Variants in GTF3C1 observed in about 807,000 individuals in gnomAD.
The protein encoded by GTF3C1 is general transcription factor IIIC subunit 1.
In GTF3C1, 57 loss-of-function variants were observed where a neutral mutation model predicts 226.7. The observed-to-expected ratio is 0.25, with a 90% confidence interval of 0.20 to 0.31. The LOEUF is 0.31. GTF3C1 is among the 10% of genes least tolerant of loss of function. The pLI is 1.00. For synonymous variants in GTF3C1, 1,090 were observed against 1,084.8 expected, an observed-to-expected ratio of 1.00 and a Z score of -0.09; for missense variants, 2,217 against 2,776.1, an observed-to-expected ratio of 0.80 and a Z score of 4.53.
chr16:27,478,106 G>T (rs148258616), intron 28 of GTF3C1, among the ~76,000 whole-genome samples: 7 of 152,146 alleles, frequency 4.6e-5, no homozygotes, highest in African/African-American at 1.4e-4. Flanking sequence ...AGGAGGCAGA[G>T]GCTGCAGTGA....
intron 2 of GTF3C1, among the ~76,000 whole-genome samples, chr16:27,542,617 G>C (rs1596665044): frequency 6.6e-6 from 1 of 152,122 alleles, no homozygotes; most frequent in East Asian, 1.9e-4. Context: ...GGGAGGTGAG[G>C]ACTAGTAGAA....
chr16:27,539,478 C>A (rs966547383), intron 2 of GTF3C1, among the ~76,000 whole-genome samples: 1 of 152,194 alleles, frequency 6.6e-6, no homozygotes, highest in Non-Finnish European at 1.5e-5. Context: ...CTGCTCAATC[C>A]AACTGACATC....
chr16:27,535,795 C>G (rs546378535), intron 4 of GTF3C1, among the ~76,000 whole-genome samples: 1 of 151,796 alleles, frequency 6.6e-6, no homozygotes, highest in Non-Finnish European at 1.5e-5. Flanking sequence ...TTGTGGTGAG[C>G]GGAGATCGCG....
At chr16:27,481,707 C>T (rs1411583409) in intron 26 of GTF3C1, among the ~76,000 whole-genome samples, 4 of 152,170 alleles carry the variant, frequency 2.6e-5, no homozygotes, top group Non-Finnish European at 5.9e-5. Context: ...GTGTGCAATG[C>T]GACATGGTAT....
At position 27,489,701 on chromosome 16, in the gene GTF3C1, T is replaced by G; in HGVS notation, c.3194A>C (p.Asp1065Ala). The G allele has an allele frequency of 1.2e-6, 2 of 1,612,270 alleles. No individual in the cohort carries two copies. The highest frequency in any genetic ancestry group is 1.7e-6 in the Non-Finnish European group (2 of 1,179,788). Residue 1065 changes from aspartate (D) to alanine (A), a missense_variant, in exon 20 of 37, where the codon GAC (aspartate) becomes GCC (alanine). Asp to Ala is a moderately radical substitution (Grantham distance 126, BLOSUM62 -2). This residue lies in a region of GTF3C1 where 353 missense variants were observed against 411.7 expected (regional missense o/e 0.86). Transcript: ENST00000356183. ...CPRVRKNSSTDQGSDEEGSLQ... is the reference protein window; with the variant it reads ...CPRVRKNSSTAQGSDEEGSLQ... ...GCTGCCCTCCTCGTCGCTGCCCTGG[T>G]CTGTGCTGCTGTTCTTCCTGACGCG...
chr16:27,523,616 T>G (rs1031849443), intron 6 of GTF3C1, among the ~76,000 whole-genome samples: 3 of 152,012 alleles, frequency 2.0e-5, no homozygotes, highest in African/African-American at 7.3e-5. Context: ...TAAATTAAAT[T>G]TGCTCAGCAT....
chr16:27,475,619 C>T (rs2087939955), intron 29 of GTF3C1, among the ~76,000 whole-genome samples: 1 of 152,118 alleles, frequency 6.6e-6, no homozygotes, highest in African/African-American at 2.4e-5. Flanking sequence ...CAAGTGCCCA[C>T]ATTTGTATAA....
At chr16:27,536,987 A>T (rs1395326754) in intron 4 of GTF3C1, among the ~76,000 whole-genome samples, 3 of 152,226 alleles carry the variant, frequency 2.0e-5, no homozygotes, top group African/African-American at 7.2e-5. Context: ...TCACTCCCCC[A>T]GTCTCCCTGG....
intron 26 of GTF3C1, chr16:27,482,654 G>A (rs1226462102): frequency 2.2e-6 from 1 of 458,524 alleles, no homozygotes; most frequent in East Asian, 6.9e-5. Flanking sequence ...AGGAGTCTGG[G>A]TCAGCAGACA....
At chr16:27,472,930 T>C (rs2087897213) in intron 29 of GTF3C1, among the ~76,000 whole-genome samples, 1 of 152,246 alleles carries the variant, frequency 6.6e-6, no homozygotes, top group Non-Finnish European at 1.5e-5. Flanking sequence ...AACTCCTTTT[T>C]TTTTGAGCCA....
chr16:27,490,938 G>A (rs536560891), intron 19 of GTF3C1, among the ~76,000 whole-genome samples: 1 of 152,264 alleles, frequency 6.6e-6, no homozygotes, highest in Admixed American at 6.5e-5. Flanking sequence ...CTAAAGGGAT[G>A]GAAATTCACC....
chr16:27,539,458 A>G (rs1333545322), intron 2 of GTF3C1, among the ~76,000 whole-genome samples: 2 of 152,174 alleles, frequency 1.3e-5, no homozygotes, highest in Non-Finnish European at 2.9e-5. Flanking sequence ...ACTCCACCAC[A>G]ATGCCTGGCC....
At position 27,464,645 on chromosome 16, in the gene GTF3C1, C is replaced by A. The variant is rs1392980126; in HGVS notation, c.5547G>T (p.Gly1849=). ...GSSSEDSPPE[G]QAPPSHSPRG... ...GGGGGCTGTGAGAAGGAGGTGCCTGCCCCTCGGGGGGGCTGTCCTCACTGG... is the reference window on the plus strand; with the variant it reads ...GGGGGCTGTGAGAAGGAGGTGCCTGACCCTCGGGGGGGCTGTCCTCACTGG... Residue 1849 remains glycine, a synonymous_variant, in exon 34 of 37, where the codon GGG becomes GGT. Transcript: ENST00000356183. 3 of 1,517,648 alleles carry A rather than the reference C, an allele frequency of 2.0e-6. No homozygotes were observed. The highest frequency in any genetic ancestry group is 1.3e-5 in the South Asian group (1 of 76,196). 94.0% of individuals were successfully genotyped at this position (1,517,648 alleles called of 1,614,324 possible). A position where few individuals can be genotyped will look rare whatever the true frequency, so the allele number is the denominator to read the frequency against.
chr16:27,482,150 C>T (rs778219439), intron 26 of GTF3C1, among the ~76,000 whole-genome samples: 4 of 152,134 alleles, frequency 2.6e-5, no homozygotes, highest in Non-Finnish European at 5.9e-5. Flanking sequence ...CCCACTGCTT[C>T]CTGCTCTGGA....
chr16:27,523,047 A>G (rs2088774588), intron 6 of GTF3C1, among the ~76,000 whole-genome samples: 1 of 152,156 alleles, frequency 6.6e-6, no homozygotes, highest in Non-Finnish European at 1.5e-5. Flanking sequence ...ACTTGTGACA[A>G]CCTGAAAAAC....
Position 27,537,883 on chromosome 16 carries a change from T to C in GTF3C1, c.653A>G (p.Lys218Arg). ...KLHYHRKILN[K>R]NGLITMQSHV... ...GGACTGCATTGTAATCAGCCCGTTT[T>C]TGTTCAAAATTTTTCTGTGATAGTG... Residue 218 changes from lysine (K) to arginine (R), a missense_variant, in exon 4 of 37, where the codon AAA becomes AGA. Coordinates refer to ENST00000356183, the MANE Select transcript of GTF3C1 (RefSeq NM_001520.4). The C allele has an allele frequency of 6.2e-7, 1 of 1,614,022 alleles. No homozygotes were observed. The highest frequency in any genetic ancestry group is 8.5e-7 in the Non-Finnish European group (1 of 1,179,898).
intron 19 of GTF3C1, 71 bp from the exon 20 acceptor site, chr16:27,489,814 TG>T: frequency 6.6e-7 from 1 of 1,508,798 alleles, no homozygotes. Context: ...TACCTCTGGC[TG>T]GGTGGGGAAG....
Position 27,502,873 on chromosome 16 carries a change from G to A in GTF3C1, c.1893C>T (p.Ile631=), listed in dbSNP as rs146608737. 19 of 1,586,262 alleles carry A rather than the reference G, an allele frequency of 1.2e-5. No individual in the cohort carries two copies. The highest frequency in any genetic ancestry group is 8.1e-5 in the African/African-American group (6 of 74,504). ...IIEAVTNLRL[I]ESLFTIQKMI... ...CAGCTCCTTACGTGAATAAACTCTC[G>A]ATTAAGCGAAGATTGGTGACAGCTT... Residue 631 remains isoleucine (I), a synonymous_variant, in exon 11 of 37, where the codon ATC becomes ATT. Coordinates refer to ENST00000356183, the MANE Select transcript of GTF3C1 (RefSeq NM_001520.4).
Position 27,506,988 on chromosome 16 carries a change from C to A in GTF3C1, c.1411G>T (p.Glu471Ter). The A allele has an allele frequency of 6.2e-7, 1 of 1,613,824 alleles. No individual in the cohort carries two copies. The highest frequency in any genetic ancestry group is 8.5e-7 in the Non-Finnish European group (1 of 1,179,934). The change falls in exon 9 of 37, where the codon GAG becomes TAG. Residue 471 changes from glutamate to a stop codon, truncating the protein, a stop_gained. Coordinates refer to ENST00000356183, the MANE Select transcript of GTF3C1 (RefSeq NM_001520.4). LOFTEE classifies it high-confidence loss of function. ...TCCGACTCAGAGAGGAAGGTGTCCT[C>A]GCCTTCAGGCAGAAGCGACTCCTCC... is the stretch of plus-strand genomic sequence containing the variant. ...MQEESLLPEG[E>*]DTFLSESDSE... is the part of the protein sequence containing the mutation.
Sources: gnomAD v4.1 joint callset for allele counts (sites outside exome capture counted in the v4.1 genomes callset) on GRCh38, gnomAD v4.1.1 for gene constraint, gnomAD v4.1.1 regional missense constraint, MANE v1.5 for transcripts, NCBI Gene and HGNC (gene_info 2026-07-23, HGNC 2026-07-21) for gene names.